Variants in CNTNAP5 observed in about 807,000 individuals in gnomAD.
CNTNAP5 encodes contactin-associated protein-like 5.
In CNTNAP5, 72 loss-of-function variants were observed where a neutral mutation model predicts 150.2. That is an observed-to-expected ratio of 0.48 (90% CI 0.40 to 0.58). CNTNAP5 has a LOEUF of 0.58. Among genes scored for constraint, CNTNAP5 ranks in the 20% least tolerant of loss-of-function variants. The pLI, the probability that CNTNAP5 is intolerant of heterozygous loss-of-function variation, is 0.00. For missense variants in CNTNAP5, 1,636 were observed against 1,626.2 expected (o/e 1.01, Z -0.10); for synonymous variants, 672 against 619.8 (o/e 1.08, Z -1.25).
chr2:124,411,843 A>G lies in CNTNAP5; in HGVS notation c.382-5600A>G, dbSNP rs1177750923. On this transcript the variant is annotated intron_variant, in intron 3 of 23. Coordinates refer to ENST00000682447, the MANE Select transcript of CNTNAP5 (RefSeq NM_001367498.1). ...CAAGACAGGGATGCCCTCTCTCACC[A>G]CTCCTATTCAACATAGTGTTGGAAG... Among the ~76,000 whole-genome samples, 778 of 78,404 alleles carry G rather than the reference A, an allele frequency of 9.9e-3. 7 individuals are homozygous for G. Among genetic ancestry groups the G allele is most frequent in the Admixed American group, 0.016 (97 of 6,198 alleles). 51.4% of individuals were successfully genotyped at this position (78,404 alleles called of 152,430 possible). A position where few individuals can be genotyped will look rare whatever the true frequency, so the allele number is the denominator to read the frequency against.
intron 16 of CNTNAP5, 89 bp from the exon 17 acceptor site, chr2:124,772,710 T>G (rs1452776106): frequency 4.3e-6 from 4 of 932,984 alleles, no homozygotes. Flanking sequence ...ATATTGATAC[T>G]GACTTACAAT....
chr2:124,920,896 C>T lies in CNTNAP5; in HGVS notation c.*6608C>T, dbSNP rs1006289058. Among the ~76,000 whole-genome samples the T allele has an allele frequency of 3.3e-5, 5 of 151,872 alleles. No individual in the cohort carries two copies. The highest frequency in any genetic ancestry group is 1.2e-4 in the African/African-American group (5 of 41,360). ...AGTAATAAATTGCAGAATACCCTCC[C>T]CACAAAAATACACATATGTCAGACT... On this transcript the variant is annotated 3_prime_UTR_variant, in exon 24 of 24. Transcript: ENST00000682447.
chr2:124,793,867 C>T (rs1052720653), intron 18 of CNTNAP5, among the ~76,000 whole-genome samples: 2 of 151,890 alleles, frequency 1.3e-5, no homozygotes, highest in African/African-American at 2.4e-5. Flanking sequence ...GTTTTTTCTT[C>T]TTAATTAAAA....
At chr2:124,699,356 G>A (rs1253517189) in intron 13 of CNTNAP5, among the ~76,000 whole-genome samples, 1 of 152,070 alleles carries the variant, frequency 6.6e-6, no homozygotes, top group East Asian at 1.9e-4. Context: ...GGCTCAGATT[G>A]GTAATTGAAG....
chr2:124,532,694 A>G (rs1695138218), intron 10 of CNTNAP5, among the ~76,000 whole-genome samples: 1 of 152,180 alleles, frequency 6.6e-6, no homozygotes, highest in South Asian at 2.1e-4. Flanking sequence ...CACCCCGCCC[A>G]CAGTCTGAGA....
In CNTNAP5 at chr2:124,587,537, G is replaced by T. The variant is rs550389537; in HGVS notation, c.1757-22264G>T. On this transcript the variant is annotated intron_variant, in intron 11 of 23. Transcript: ENST00000682447. Reference sequence around the variant, plus strand: ...TAAATATGTCCCTCTGCCAAACTTAGGTCTCTTTTTTAAAAGATCTCTTAT... The same window carrying T: ...TAAATATGTCCCTCTGCCAAACTTATGTCTCTTTTTTAAAAGATCTCTTAT... 1.4e-4 allele frequency among the ~76,000 whole-genome samples: 21 copies of T among 152,184 alleles called. No individual in the cohort carries two copies. The East Asian group carries it at 2.1e-3, about 15-fold the overall frequency.
chr2:124,865,628 C>T (rs1020389909), intron 20 of CNTNAP5, among the ~76,000 whole-genome samples, 192 bp downstream of exon 20: 2 of 152,320 alleles, frequency 1.3e-5, no homozygotes, highest in East Asian at 3.9e-4. Flanking sequence ...CCAGTATCAG[C>T]ATCACTTGGG....
intron 3 of CNTNAP5, among the ~76,000 whole-genome samples, chr2:124,383,964 G>A (rs1690866927): frequency 6.6e-6 from 1 of 151,904 alleles, no homozygotes; most frequent in African/African-American, 2.4e-5. Flanking sequence ...GTTTTGCTGT[G>A]GAGTTTTTCA....
chr2:124,338,539 T>C (rs1460958219), intron 3 of CNTNAP5, among the ~76,000 whole-genome samples: 1 of 152,036 alleles, frequency 6.6e-6, no homozygotes, highest in African/African-American at 2.4e-5. Flanking sequence ...AAAAAATAGA[T>C]AAAAAGTCTG....
chr2:124,514,907 A>G (rs989725032), intron 8 of CNTNAP5, among the ~76,000 whole-genome samples: 1 of 152,184 alleles, frequency 6.6e-6, no homozygotes, highest in Non-Finnish European at 1.5e-5. Flanking sequence ...TATCTTGGAG[A>G]GAATAGGGAA....
intron 14 of CNTNAP5, among the ~76,000 whole-genome samples, chr2:124,762,598 A>C (rs1467502594): frequency 6.6e-6 from 1 of 152,144 alleles, no homozygotes; most frequent in Admixed American, 6.6e-5. Context: ...TGATGTAGAT[A>C]TTATCTCCAT....
chr2:124,042,678 G>T (rs1176931558), intron 1 of CNTNAP5, among the ~76,000 whole-genome samples: 1 of 152,112 alleles, frequency 6.6e-6, no homozygotes, highest in Non-Finnish European at 1.5e-5. Context: ...TTTTGGCAGG[G>T]TGCATGTGCT....
chr2:124,909,895 T>C lies in CNTNAP5; in HGVS notation c.3656-1572T>C, dbSNP rs1342307029. On this transcript the variant is annotated intron_variant, in intron 22 of 23. Coordinates refer to ENST00000682447, the MANE Select transcript of CNTNAP5 (RefSeq NM_001367498.1). ...TGTATGTATGCATGTATGTAGGTCA[T>C]CCAGGTGTACAGAGATGATTAATAA... 2.1e-5 allele frequency among the ~76,000 whole-genome samples: 3 copies of C among 139,634 alleles called. No homozygotes were observed. The East Asian group carries it at 6.3e-4, about 29-fold the overall frequency. The allele number at this position is 139,634 out of a possible 152,430, so 91.6% of individuals were successfully genotyped here. A position where few individuals can be genotyped will look rare whatever the true frequency, so the allele number is the denominator to read the frequency against.
chr2:124,469,803 A>G (rs541490147), intron 6 of CNTNAP5, among the ~76,000 whole-genome samples: 124 of 152,148 alleles, frequency 8.1e-4, no homozygotes, highest in African/African-American at 2.9e-3. Context: ...TCAGCTCCCA[A>G]TTATAAGTGA....
intron 3 of CNTNAP5, among the ~76,000 whole-genome samples, chr2:124,247,883 A>G (rs1189653477): frequency 1.3e-5 from 2 of 152,216 alleles, no homozygotes; most frequent in African/African-American, 4.8e-5. Flanking sequence ...TAAAGACTAC[A>G]TGTAGGAACA....
chr2:124,209,740 A>C (rs1032096397), intron 1 of CNTNAP5, among the ~76,000 whole-genome samples: 3 of 152,152 alleles, frequency 2.0e-5, no homozygotes, highest in African/African-American at 7.2e-5. Context: ...GTGTGCTACA[A>C]CATCTTCAAA....
chr2:124,562,215 A>G (rs761481793), intron 10 of CNTNAP5, among the ~76,000 whole-genome samples: 9 of 152,162 alleles, frequency 5.9e-5, no homozygotes, highest in Non-Finnish European at 1.5e-5. Context: ...TTTCCTTTCA[A>G]CTATTTTTGA....
At chr2:124,346,542 G>T (rs566463077) in intron 3 of CNTNAP5, among the ~76,000 whole-genome samples, 7 of 152,102 alleles carry the variant, frequency 4.6e-5, no homozygotes, top group Non-Finnish European at 1.0e-4. Context: ...TAACGTGTTA[G>T]AATATATAAA....
At chr2:124,718,374 C>T (rs1250089726) in intron 13 of CNTNAP5, among the ~76,000 whole-genome samples, 1 of 152,136 alleles carries the variant, frequency 6.6e-6, no homozygotes, top group African/African-American at 2.4e-5. Context: ...ATCCAACAAA[C>T]TCCATTTTTC....
Sources: gnomAD v4.1 joint callset for allele counts (sites outside exome capture counted in the v4.1 genomes callset) on GRCh38, gnomAD v4.1.1 for gene constraint, MANE v1.5 for transcripts, NCBI Gene and HGNC (gene_info 2026-07-23, HGNC 2026-07-21) for gene names.